Variants in CDADC1 observed in about 807,000 individuals in gnomAD.
CDADC1 encodes cytidine and dCMP deaminase domain containing 1, also known as dCTP deaminase.
Under a neutral mutation model 54.9 loss-of-function variants are expected in CDADC1, and 39 were observed. The observed-to-expected ratio is 0.71, with a 90% CI of 0.55 to 0.93. The LOEUF is 0.93. Ranked by LOEUF, CDADC1 falls within the 40% of genes least tolerant of loss-of-function variation. CDADC1 has a pLI of 0.00. For synonymous variants in CDADC1, 186 were observed against 204.0 expected (o/e 0.91, Z 0.75); for missense variants, 518 against 618.8 (o/e 0.84, Z 1.73).
At chr13:49,286,884 ATAT>A (rs1300393151) in intron 9 of CDADC1, among the ~76,000 whole-genome samples, 1 of 152,238 alleles carries the variant, frequency 6.6e-6, no homozygotes, top group Non-Finnish European at 1.5e-5. Context: ...GTGCTATATA[ATAT>A]TATTCTAAAA....
chr13:49,286,971 A>G (rs1953530452), intron 9 of CDADC1, among the ~76,000 whole-genome samples: 1 of 152,248 alleles, frequency 6.6e-6, no homozygotes, highest in Non-Finnish European at 1.5e-5. Flanking sequence ...CAGGGGGATC[A>G]CTTGAAATCA....
intron 3 of CDADC1, among the ~76,000 whole-genome samples, chr13:49,258,477 C>T (rs1952601084): frequency 6.6e-6 from 1 of 151,924 alleles, no homozygotes; most frequent in Non-Finnish European, 1.5e-5. Flanking sequence ...ATTGTTATAC[C>T]AGCTTTGATT....
chr13:49,272,762 A>G (rs765723014), intron 5 of CDADC1, among the ~76,000 whole-genome samples: 67 of 151,590 alleles, frequency 4.4e-4, no homozygotes, highest in Non-Finnish European at 8.8e-4. Flanking sequence ...GGTTTAAGCA[A>G]TTCTCCTGCC....
intron 4 of CDADC1, 137 bp downstream of exon 4, chr13:49,259,660 G>A: frequency 2.7e-6 from 2 of 752,412 alleles, no homozygotes; most frequent in Non-Finnish European, 4.3e-6. Flanking sequence ...CAAATAGCCT[G>A]TGCAACATAG....
At chr13:49,256,351 C>A (rs548375740) in intron 3 of CDADC1, among the ~76,000 whole-genome samples, 4 of 152,292 alleles carry the variant, frequency 2.6e-5, no homozygotes, top group African/African-American at 7.2e-5. Context: ...TTACTTTCTG[C>A]TGTGAAACAG....
chr13:49,267,525 C>G lies in CDADC1; in HGVS notation c.466C>G (p.Pro156Ala). The change falls in exon 5 of 10, where the codon CCA becomes GCA. Residue 156 changes from proline (P) to alanine (A), a missense_variant. Coordinates refer to ENST00000251108, the MANE Select transcript of CDADC1 (RefSeq NM_030911.4). ...CCGAATTTCATACTGGCCTGCTGATCCAGAAATAAGTTTGCTTACGGAGGC... is the reference window on the plus strand; with the variant it reads ...CCGAATTTCATACTGGCCTGCTGATGCAGAAATAAGTTTGCTTACGGAGGC... ...VNRISYWPAD[P>A]EISLLTEASS... The G allele has an allele frequency of 6.2e-7, 1 of 1,613,548 alleles. No homozygotes were observed. Among genetic ancestry groups the G allele is most frequent in the Non-Finnish European group, 8.5e-7 (1 of 1,179,788 alleles).
intron 6 of CDADC1, among the ~76,000 whole-genome samples, chr13:49,275,984 G>T (rs1394079672): frequency 1.3e-5 from 2 of 151,682 alleles, no homozygotes; most frequent in Non-Finnish European, 2.9e-5. Context: ...GTCCAGAATG[G>T]TCTCAATCTC....
chr13:49,257,682 A>C (rs1164630428), intron 3 of CDADC1, among the ~76,000 whole-genome samples: 1 of 152,190 alleles, frequency 6.6e-6, no homozygotes, highest in Non-Finnish European at 1.5e-5. Context: ...GAATGGCATG[A>C]ACCCGGGAGG....
chr13:49,287,768 T>C (rs1158736405), intron 9 of CDADC1, among the ~76,000 whole-genome samples: 2 of 152,092 alleles, frequency 1.3e-5, no homozygotes, highest in Non-Finnish European at 2.9e-5. Flanking sequence ...GCCCAGGAGT[T>C]TGAAACCAGG....
Position 49,291,674 on chromosome 13 carries a change from T to G in CDADC1, c.1472-10T>G. The G allele has an allele frequency of 6.2e-7, 1 of 1,612,480 alleles. No individual in the cohort carries two copies. The highest frequency in any genetic ancestry group is 1.3e-5 in the African/African-American group (1 of 74,948). On this transcript the variant is annotated splice_polypyrimidine_tract_variant and intron_variant, in intron 9 of 9. Coordinates refer to ENST00000251108, the MANE Select transcript of CDADC1 (RefSeq NM_030911.4). ...AAGCTGTCCTGACCTAGCGTTATTCTCAATGCTAGATGGTGTGTTGAGACC... is the reference window on the plus strand; with the variant it reads ...AAGCTGTCCTGACCTAGCGTTATTCGCAATGCTAGATGGTGTGTTGAGACC...
At chr13:49,261,141 T>C (rs1952674636) in intron 4 of CDADC1, among the ~76,000 whole-genome samples, 1 of 152,220 alleles carries the variant, frequency 6.6e-6, no homozygotes, top group South Asian at 2.1e-4. Flanking sequence ...ACAGAGTTCC[T>C]AGGCCTGTTG....
intron 8 of CDADC1, among the ~76,000 whole-genome samples, chr13:49,283,356 T>C (rs1169258463): frequency 1.3e-5 from 2 of 152,188 alleles, no homozygotes; most frequent in African/African-American, 4.8e-5. Context: ...GACATGGCAC[T>C]GAAAGAAGGC....
chr13:49,274,943 C>A (rs1013523940), intron 6 of CDADC1, among the ~76,000 whole-genome samples: 6 of 152,132 alleles, frequency 3.9e-5, no homozygotes, highest in Non-Finnish European at 8.8e-5. Flanking sequence ...AGAGGAGGAA[C>A]CTTTGCTTGG....
intron 2 of CDADC1, among the ~76,000 whole-genome samples, chr13:49,253,858 T>C (rs1432504121): frequency 6.6e-6 from 1 of 152,186 alleles, no homozygotes. Context: ...CCTAACTCTT[T>C]CCATTGTGTC....
chr13:49,290,027 C>T (rs1472239709), intron 9 of CDADC1, among the ~76,000 whole-genome samples: 10 of 152,022 alleles, frequency 6.6e-5, no homozygotes, highest in Admixed American at 1.3e-4. Flanking sequence ...GCCTGGGTAA[C>T]AGACTGAGAC....
Position 49,255,858 on chromosome 13 carries a change from A to G in CDADC1, c.197A>G (p.His66Arg), listed in dbSNP as rs561314701. Residue 66 changes from histidine to arginine, a missense_variant, in exon 3 of 10, where the codon CAT becomes CGT. Coordinates refer to ENST00000251108, the MANE Select transcript of CDADC1 (RefSeq NM_030911.4). ...QKSQKNEEGK[H>R]GPLGDNEERT... ...TATTAGAAAAATGAAGAGGGAAAGC[A>G]TGGACCCTTAGGAGATAATGAAGAG... 9 of 1,611,230 alleles carry G rather than the reference A, an allele frequency of 5.6e-6. No individual in the cohort carries two copies. Among genetic ancestry groups the G allele is most frequent in the African/African-American group, 2.7e-5 (2 of 74,866 alleles).
At chr13:49,251,123 T>G (rs1302472071) in intron 2 of CDADC1, among the ~76,000 whole-genome samples, 1 of 152,126 alleles carries the variant, frequency 6.6e-6, no homozygotes, top group African/African-American at 2.4e-5. Context: ...GGTTTAAGAC[T>G]TTTAGGCCGG....
At chr13:49,282,917 C>A (rs889759169) in intron 8 of CDADC1, among the ~76,000 whole-genome samples, 11 of 152,212 alleles carry the variant, frequency 7.2e-5, no homozygotes, top group African/African-American at 2.7e-4. Flanking sequence ...GAAACCGGTA[C>A]CTGGTCCCTG....
chr13:49,284,503 A>G (rs1005005425), intron 8 of CDADC1, among the ~76,000 whole-genome samples: 1 of 152,240 alleles, frequency 6.6e-6, no homozygotes, highest in African/African-American at 2.4e-5. Context: ...ATGTCCTTAA[A>G]CATAAATTCA....
Sources: gnomAD v4.1 joint callset for allele counts (sites outside exome capture counted in the v4.1 genomes callset) on GRCh38, gnomAD v4.1.1 for gene constraint, MANE v1.5 for transcripts, NCBI Gene and HGNC (gene_info 2026-07-23, HGNC 2026-07-21) for gene names.